VSNL1: variants seen among roughly 807,000 people sequenced by gnomAD.
The protein encoded by VSNL1 is visinin like 1.
Under a neutral mutation model 20.4 loss-of-function variants are expected in VSNL1, and 6 were observed. That is an observed-to-expected ratio of 0.29 (90% confidence interval 0.16 to 0.58). The LOEUF (loss-of-function observed/expected upper bound fraction) is 0.58. Ranked by LOEUF, VSNL1 falls within the 20% of genes least tolerant of loss-of-function variation. The pLI is 0.90. For missense variants in VSNL1, 100 were observed against 234.5 expected (o/e 0.43, Z 3.75); for synonymous variants, 93 against 86.4 (o/e 1.08, Z -0.42).
At position 17,633,882 on chromosome 2, in the gene VSNL1, C is replaced by G. The variant is rs539756994; in HGVS notation, c.163-15528C>G. Among the ~76,000 whole-genome samples the G allele has an allele frequency of 2.6e-5, 4 of 152,194 alleles. No homozygotes were observed. In the South Asian group the frequency reaches 8.3e-4, roughly 32 times the overall value. On this transcript the variant is annotated intron_variant, in intron 2 of 3. Transcript: ENST00000295156. ...GGGGCTCAGAGAAGTGCCCCTTGAG[C>G]TGAGTGATAAAGGACTAACAGGAGC...
At chr2:17,633,678 G>T (rs1665688427) in intron 2 of VSNL1, among the ~76,000 whole-genome samples, 1 of 152,146 alleles carries the variant, frequency 6.6e-6, no homozygotes, top group South Asian at 2.1e-4. Flanking sequence ...TTCCCTGGAG[G>T]ATGTCAGAGC....
intron 1 of VSNL1, among the ~76,000 whole-genome samples, chr2:17,589,816 A>G (rs1279152799): frequency 6.6e-6 from 1 of 152,190 alleles, no homozygotes; most frequent in East Asian, 1.9e-4. Flanking sequence ...GGTTTTTAAT[A>G]CAAAGTCACT....
upstream of VSNL1, chr2:17,540,534 A>C (rs77107028): frequency 0.014 from 2,087 of 152,824 alleles, 18 homozygotes; most frequent in Non-Finnish European, 0.017. Flanking sequence ...AGCATGCGCC[A>C]TCGCCAGGCG....
intron 1 of VSNL1, among the ~76,000 whole-genome samples, chr2:17,586,645 C>T (rs1664480637): frequency 6.8e-6 from 1 of 147,930 alleles, no homozygotes; most frequent in East Asian, 1.9e-4. Context: ...TAGCACAGAG[C>T]TTTTCTCCTG....
chr2:17,551,904 A>AAAT (rs1553298192), intron 1 of VSNL1, among the ~76,000 whole-genome samples: 40 of 150,954 alleles, frequency 2.6e-4, no homozygotes, highest in African/African-American at 8.7e-4. Flanking sequence ...GTTAAAAAAA[A>AAAT]AAAAAAAAAA....
rs1664603426 is a variant in VSNL1, at chr2:17,592,051, T to G, written c.-5-19T>G. On this transcript the variant is annotated intron_variant, in intron 1 of 3. Coordinates refer to ENST00000295156, the MANE Select transcript of VSNL1 (RefSeq NM_003385.5). ...GATCACAGCCACAGCGCTAATTGAA[T>G]TAATTTGCTTTTCTTCAGGCAGGAT... The G allele has an allele frequency of 3.7e-6, 6 of 1,613,216 alleles. No individual in the cohort carries two copies. Among genetic ancestry groups the G allele is most frequent in the Non-Finnish European group, 5.1e-6 (6 of 1,179,546 alleles).
Position 17,619,862 on chromosome 2 carries a change from T to TA in VSNL1, c.162+27639dup, listed in dbSNP as rs77449745. ...TCAAATAATTTGTTTGTTACAGTCT[T>TA]AAAAAAAAAAAAATGCAATCCCCCC... On this transcript the variant is annotated intron_variant, in intron 2 of 3. Coordinates refer to ENST00000295156, the MANE Select transcript of VSNL1 (RefSeq NM_003385.5). 6.0e-3 allele frequency among the ~76,000 whole-genome samples: 858 copies of TA among 142,738 alleles called. 7 individuals carry two copies. The highest frequency in any genetic ancestry group is 0.016 in the African/African-American group (608 of 37,916). The allele number at this position is 142,738 out of a possible 152,430, so 93.6% of individuals were successfully genotyped here.
At chr2:17,640,077 C>T (rs1053328270) in intron 2 of VSNL1, among the ~76,000 whole-genome samples, 1 of 152,064 alleles carries the variant, frequency 6.6e-6, no homozygotes, top group Non-Finnish European at 1.5e-5. Context: ...CGGTGAAACC[C>T]GGTCTCTACT....
chr2:17,640,689 T>C (rs1402250507), intron 2 of VSNL1, among the ~76,000 whole-genome samples: 1 of 152,230 alleles, frequency 6.6e-6, no homozygotes, highest in African/African-American at 2.4e-5. Context: ...TCCACTTCTT[T>C]TTTTTTCTTT....
chr2:17,542,253 A>G (rs1261966493), intron 1 of VSNL1, among the ~76,000 whole-genome samples: 1 of 152,066 alleles, frequency 6.6e-6, no homozygotes, highest in Admixed American at 6.6e-5. Context: ...ACATCATTGA[A>G]CAACTTACTT....
Position 17,655,455 on chromosome 2 carries a change from TCACACACACACACACACACACACA to T in VSNL1, c.*84_*107del, listed in dbSNP as rs3064980. ...AATGTTCCATTCAGTCTGCAGCTAT[TCACACACACACACACACACACACA>T]CACACACACACACACACACACAAAT... On this transcript the variant is annotated 3_prime_UTR_variant, in exon 4 of 4. Transcript: ENST00000295156. The surrounding 1 kb of genome is among the most constrained non-coding windows in gnomAD (Gnocchi z 5.2). 6 of 537,442 alleles carry T rather than the reference TCACACACACACACACACACACACA, an allele frequency of 1.1e-5. No homozygotes were observed. Among genetic ancestry groups the T allele is most frequent in the Admixed American group, 5.6e-5 (2 of 35,856 alleles). 33.3% of individuals were successfully genotyped at this position (537,442 alleles called of 1,614,324 possible).
intron 2 of VSNL1, among the ~76,000 whole-genome samples, chr2:17,638,848 G>C (rs1665818109): frequency 6.6e-6 from 1 of 152,192 alleles, no homozygotes; most frequent in Admixed American, 6.5e-5. Context: ...TGGGAGGAGA[G>C]AGCAGCATAG....
Position 17,562,211 on chromosome 2 carries a change from G to A in VSNL1, c.-6+21293G>A, listed in dbSNP as rs557667879. Among the ~76,000 whole-genome samples, 29 of 152,242 alleles carry A rather than the reference G, an allele frequency of 1.9e-4. No individual in the cohort carries two copies. In the South Asian group the frequency reaches 6.0e-3, roughly 32 times the overall value. ...AAATAGCTACTATAAATTTAGAAAT[G>A]TTAAAATTAATTCATATTTTATTAA... On this transcript the variant is annotated intron_variant, in intron 1 of 3. Coordinates refer to ENST00000295156, the MANE Select transcript of VSNL1 (RefSeq NM_003385.5).
intron 2 of VSNL1, among the ~76,000 whole-genome samples, chr2:17,638,168 A>C (rs1665797500): frequency 6.6e-6 from 1 of 152,160 alleles, no homozygotes; most frequent in East Asian, 1.9e-4. Flanking sequence ...AAATTGCCTG[A>C]GTTCAAATTC....
At chr2:17,548,746 C>CT (rs770796866) in intron 1 of VSNL1, among the ~76,000 whole-genome samples, 20 of 152,230 alleles carry the variant, frequency 1.3e-4, no homozygotes, top group South Asian at 4.1e-4. Context: ...GTATATCTTC[C>CT]TAATTGGCTC....
rs985881169 is a variant in VSNL1, at chr2:17,634,797, T to C, written c.163-14613T>C. ...GTTCCATCCCACCCACTTCGTGCTC[T>C]GGTGCTGCTTCCACTTTCTCCTGGA... is the stretch of plus-strand genomic sequence containing the variant. On this transcript the variant is annotated intron_variant, in intron 2 of 3. Coordinates refer to ENST00000295156, the MANE Select transcript of VSNL1 (RefSeq NM_003385.5). This position sits in a 1 kb window ranked among gnomAD's most constrained non-coding sequence, Gnocchi z 4.3. 1.1e-4 allele frequency among the ~76,000 whole-genome samples: 16 copies of C among 152,306 alleles called. 1 individual carries two copies. Among genetic ancestry groups the C allele is most frequent in the African/African-American group, 3.4e-4 (14 of 41,578 alleles).
At chr2:17,636,265 G>T (rs557543011) in intron 2 of VSNL1, among the ~76,000 whole-genome samples, 1 of 151,974 alleles carries the variant, frequency 6.6e-6, no homozygotes, top group South Asian at 2.1e-4. Flanking sequence ...CAAGCAGAAG[G>T]CCTCATCTCT....
chr2:17,541,408 G>A (rs1244238775), intron 1 of VSNL1: 1 of 152,210 alleles, frequency 6.6e-6, no homozygotes, highest in Non-Finnish European at 1.5e-5. Flanking sequence ...TGATCTCTGA[G>A]CGGGATGTTA....
intron 1 of VSNL1, among the ~76,000 whole-genome samples, chr2:17,548,214 A>G (rs904998680): frequency 7.0e-6 from 1 of 142,128 alleles, no homozygotes; most frequent in Non-Finnish European, 1.5e-5. Context: ...CATTTCCCCC[A>G]CCCCCACACA....
Sources: gnomAD v4.1 joint callset for allele counts (sites outside exome capture counted in the v4.1 genomes callset) on GRCh38, gnomAD v4.1.1 for gene constraint, Gnocchi (gnomAD v3.1) non-coding constraint, MANE v1.5 for transcripts, NCBI Gene and HGNC (gene_info 2026-07-23, HGNC 2026-07-21) for gene names.